Variants in TULP4 observed in about 807,000 individuals in gnomAD.
TULP4 encodes TUB like protein 4, also known as tubby-related protein 4.
In TULP4, 16 loss-of-function variants were observed where a neutral mutation model predicts 129.0. The ratio of observed to expected loss-of-function variants is 0.12; its 90% CI spans 0.08 to 0.19. The LOEUF (loss-of-function observed/expected upper bound fraction) is 0.19. TULP4 is among the 10% of genes least tolerant of loss of function. The probability of loss-of-function intolerance (pLI) is 1.00; values close to 1 mark genes in which losing one functional copy is unlikely to be tolerated. For synonymous variants in TULP4, 998 were observed against 854.0 expected (o/e 1.17, Z -2.94); for missense variants, 1,842 against 2,059.1 (o/e 0.89, Z 2.04).
In TULP4 at chr6:158,502,216, G is replaced by A. The variant is rs749112700; in HGVS notation, c.2553G>A (p.Pro851=). 56 of 303,376 alleles carry A rather than the reference G, an allele frequency of 1.8e-4. No homozygotes were observed. The highest frequency in any genetic ancestry group is 2.3e-4 in the Non-Finnish European group (53 of 226,872). 18.8% of individuals were successfully genotyped at this position (303,376 alleles called of 1,614,324 possible). ...IPAAPTTAAP[P]PPLPPPQPPV... ...CTGCCCCCACCACAGCAGCACCCCCGCCCCCTCTGCCGCCCCCACAGCCCC... is the reference window on the plus strand; with the variant it reads ...CTGCCCCCACCACAGCAGCACCCCCACCCCCTCTGCCGCCCCCACAGCCCC... Residue 851 remains proline (P), a synonymous_variant, in exon 13 of 14, where the codon CCG becomes CCA. Coordinates refer to ENST00000367097, the MANE Select transcript of TULP4 (RefSeq NM_020245.5).
intron 1 of TULP4, among the ~76,000 whole-genome samples, chr6:158,286,665 A>G (rs1778840857): frequency 6.6e-6 from 1 of 152,168 alleles, no homozygotes; most frequent in Non-Finnish European, 1.5e-5. Context: ...ATTTTTAGCT[A>G]CTTGGAACTC....
At chr6:158,282,775 AC>A (rs1322379296) in intron 1 of TULP4, 1 of 151,926 alleles carries the variant, frequency 6.6e-6, no homozygotes, top group East Asian at 1.9e-4. Context: ...TTCTTGATGA[AC>A]CCCATGTCAT....
chr6:158,362,860 G>A (rs1780828466), intron 1 of TULP4, among the ~76,000 whole-genome samples: 1 of 152,044 alleles, frequency 6.6e-6, no homozygotes, highest in Non-Finnish European at 1.5e-5. Flanking sequence ...AGGAGTTCGA[G>A]ACTAGCCTGG....
At position 158,413,209 on chromosome 6, in the gene TULP4, A is replaced by G. The variant is rs1016574867; in HGVS notation, c.381+16A>G. ...CGGGGCGCAGGTGAGTGGCAGGCGCAGCTCTGCCAGTGAAGGGCTGCGGGG... is the reference window on the plus strand; with the variant it reads ...CGGGGCGCAGGTGAGTGGCAGGCGCGGCTCTGCCAGTGAAGGGCTGCGGGG... On this transcript the variant is annotated intron_variant, in intron 2 of 13. Transcript: ENST00000367097. The surrounding 1 kb of genome is among the most constrained non-coding windows in gnomAD (Gnocchi z 4.9). 1 of 1,603,708 alleles carries G rather than the reference A, an allele frequency of 6.2e-7. No individual in the cohort carries two copies. Among genetic ancestry groups the G allele is most frequent in the Non-Finnish European group, 8.5e-7 (1 of 1,172,690 alleles).
At chr6:158,410,351 T>C (rs1778067693) in intron 1 of TULP4, among the ~76,000 whole-genome samples, 1 of 150,912 alleles carries the variant, frequency 6.6e-6, no homozygotes, top group Non-Finnish European at 1.5e-5. Context: ...GGTTTGTTTT[T>C]GATGGATATT....
At position 158,461,571 on chromosome 6, in the gene TULP4, G is replaced by A; in HGVS notation, c.868G>A (p.Ala290Thr). The A allele has an allele frequency of 6.2e-7, 1 of 1,613,218 alleles. No individual in the cohort carries two copies. Among genetic ancestry groups the A allele is most frequent in the Non-Finnish European group, 8.5e-7 (1 of 1,179,684 alleles). The change falls in exon 6 of 14, where the codon GCC (alanine) becomes ACC (threonine). Residue 290 changes from alanine (A) to threonine (T), a missense_variant. Physicochemically the swap from Ala to Thr is moderately conservative, Grantham distance 58 (BLOSUM62 0). This residue lies in a region of TULP4 where 456 missense variants were observed against 534.3 expected (regional missense o/e 0.85). Coordinates refer to ENST00000367097, the MANE Select transcript of TULP4 (RefSeq NM_020245.5). The part of the protein sequence containing the change: ...VIRSGLKEVV[A>T]QWCTQGDLLA... ...TCTCTCCTCTGTTTCAGAGGTGGTA[G>A]CCCAGTGGTGCACACAGGGGGACTT...
At chr6:158,402,960 C>T (rs1243470726) in intron 1 of TULP4, among the ~76,000 whole-genome samples, 2 of 149,172 alleles carry the variant, frequency 1.3e-5, no homozygotes, top group African/African-American at 2.5e-5. Context: ...ATAAACATCT[C>T]AATGATTTGT....
intron 6 of TULP4, among the ~76,000 whole-genome samples, chr6:158,465,446 T>G (rs981454812): frequency 2.0e-5 from 3 of 152,252 alleles, no homozygotes; most frequent in Non-Finnish European, 2.9e-5. Flanking sequence ...TGAATAATTC[T>G]TCTGTGAACA....
At chr6:158,387,184 CAATT>C (rs1199022832) in intron 1 of TULP4, among the ~76,000 whole-genome samples, 6 of 152,016 alleles carry the variant, frequency 3.9e-5, no homozygotes. Flanking sequence ...ATAGATCTGT[CAATT>C]AAAGCTCTCA....
At chr6:158,366,448 C>T (rs1367865469) in intron 1 of TULP4, among the ~76,000 whole-genome samples, 1 of 152,220 alleles carries the variant, frequency 6.6e-6, no homozygotes, top group Non-Finnish European at 1.5e-5. Context: ...GAGCTTCCTC[C>T]TGCTGCCCCA....
chr6:158,356,868 G>C (rs1014897901), intron 1 of TULP4, among the ~76,000 whole-genome samples: 6 of 151,598 alleles, frequency 4.0e-5, no homozygotes, highest in Non-Finnish European at 7.4e-5. Context: ...GACTGACCAT[G>C]AGTGAGTAGA....
At chr6:158,457,151 G>A (rs1273618195) in intron 5 of TULP4, among the ~76,000 whole-genome samples, 3 of 152,194 alleles carry the variant, frequency 2.0e-5, no homozygotes, top group African/African-American at 7.2e-5. Context: ...TTGTCTCATA[G>A]AGGAAATTAA....
intron 1 of TULP4, among the ~76,000 whole-genome samples, chr6:158,264,545 T>TGG (rs1312866934): frequency 6.6e-6 from 1 of 152,136 alleles, no homozygotes; most frequent in South Asian, 2.1e-4. Context: ...GAAGGCTTGG[T>TGG]GGGCACCTGA....
chr6:158,232,817 C>T (rs911873140), intron 1 of TULP4, among the ~76,000 whole-genome samples: 3 of 152,232 alleles, frequency 2.0e-5, no homozygotes, highest in Admixed American at 1.3e-4. Flanking sequence ...CCCCAGCCCG[C>T]CTGCCCCACC....
chr6:158,367,650 A>G (rs1776952212), intron 1 of TULP4, among the ~76,000 whole-genome samples: 1 of 152,230 alleles, frequency 6.6e-6, no homozygotes, highest in Non-Finnish European at 1.5e-5. Flanking sequence ...TACAGCTAGT[A>G]CATTAAATTT....
intron 3 of TULP4, 54 bp downstream of exon 3, chr6:158,429,951 A>T: frequency 6.5e-7 from 1 of 1,540,720 alleles, no homozygotes; most frequent in Non-Finnish European, 8.8e-7. Flanking sequence ...GAGGGCTGGG[A>T]GGGAAGAAAG....
At chr6:158,383,011 G>A (rs1434194474) in intron 1 of TULP4, among the ~76,000 whole-genome samples, 1 of 152,214 alleles carries the variant, frequency 6.6e-6, no homozygotes, top group East Asian at 1.9e-4. Flanking sequence ...TCAGGTTCAA[G>A]GATCAAGGTC....
intron 1 of TULP4, among the ~76,000 whole-genome samples, chr6:158,239,996 AC>A (rs1777835156): frequency 1.6e-5 from 1 of 62,572 alleles, no homozygotes; most frequent in Non-Finnish European, 3.4e-5. Context: ...CGGGGGGCTG[AC>A]CCCCCCACCT....
At chr6:158,504,953 T>C (rs1340472917) in intron 13 of TULP4, among the ~76,000 whole-genome samples, 1 of 147,374 alleles carries the variant, frequency 6.8e-6, no homozygotes, top group Non-Finnish European at 1.5e-5. Flanking sequence ...ATTAAATCAG[T>C]GGTCACTGGT....
Sources: gnomAD v4.1 joint callset for allele counts (sites outside exome capture counted in the v4.1 genomes callset) on GRCh38, gnomAD v4.1.1 for gene constraint, gnomAD v4.1.1 regional missense constraint, Gnocchi (gnomAD v3.1) non-coding constraint, MANE v1.5 for transcripts, NCBI Gene and HGNC (gene_info 2026-07-23, HGNC 2026-07-21) for gene names.